GABRA6: variants seen among roughly 807,000 people sequenced by gnomAD.
GABRA6 encodes the protein gamma-aminobutyric acid type A receptor subunit alpha6.
A neutral mutation model predicts 47.3 loss-of-function variants in GABRA6; 45 were observed. That is an observed-to-expected ratio of 0.95 (90% CI 0.75 to 1.22). GABRA6 has a LOEUF of 1.22. Ranked by LOEUF, GABRA6 falls within the 50% of genes most tolerant of loss-of-function variation. GABRA6 has a pLI of 0.00. For synonymous variants in GABRA6, 219 were observed against 194.7 expected, an observed-to-expected ratio of 1.12 and a Z score of -1.04; for missense variants, 583 against 549.3, an observed-to-expected ratio of 1.06 and a Z score of -0.61.
At chr5:161,689,507 C>T (rs778733445) in intron 5 of GABRA6, 129 bp from the exon 6 acceptor site, 13 of 1,078,584 alleles carry the variant, frequency 1.2e-5, no homozygotes, top group Non-Finnish European at 1.7e-5. Flanking sequence ...CTTTAGTCAC[C>T]AAGATTAAAG....
intron 3 of GABRA6, chr5:161,687,224 A>T: frequency 1.7e-6 from 1 of 576,806 alleles, no homozygotes; most frequent in East Asian, 3.2e-5. Flanking sequence ...TTTTAAAATT[A>T]TGTCCTCTCT....
intron 8 of GABRA6, among the ~76,000 whole-genome samples, chr5:161,693,517 A>G (rs888430123): frequency 6.6e-6 from 1 of 152,150 alleles, no homozygotes; most frequent in Non-Finnish European, 1.5e-5. Context: ...ATTGATTCAA[A>G]AACTTTGTAT....
chr5:161,693,391 A>G (rs371999051), intron 8 of GABRA6, among the ~76,000 whole-genome samples: 8 of 151,348 alleles, frequency 5.3e-5, no homozygotes, highest in African/African-American at 2.0e-4. Flanking sequence ...TAAAAAAATA[A>G]AGAAAAAAGA....
chr5:161,691,298 T>TG, intron 7 of GABRA6, among the ~76,000 whole-genome samples: 1 of 133,352 alleles, frequency 7.5e-6, no homozygotes, highest in East Asian at 2.1e-4. Flanking sequence ...CTTTTTTTTT[T>TG]TTTTTTTTTT....
rs34826485 is a variant in GABRA6, at chr5:161,689,745, A to G, written c.639A>G (p.Gln213=). Residue 213 remains glutamine, a synonymous_variant, in exon 6 of 9, where the codon CAA becomes CAG. Coordinates refer to ENST00000274545, the MANE Select transcript of GABRA6 (RefSeq NM_000811.3). ...TTCTCCAGTATGATCTGATTGGACAAACAGTATCTAGTGAGACAATTAAAT... is the reference window on the plus strand; with the variant it reads ...TTCTCCAGTATGATCTGATTGGACAGACAGTATCTAGTGAGACAATTAAAT... The part of the protein sequence containing the change: ...SSLLQYDLIG[Q]TVSSETIKSN... 7.7e-3 allele frequency: 12,353 copies of G among 1,613,366 alleles called. 155 individuals carry two copies. The highest frequency in any genetic ancestry group is 0.041 in the South Asian group (3,693 of 91,054).
intron 8 of GABRA6, among the ~76,000 whole-genome samples, chr5:161,694,070 G>T (rs1754847455): frequency 6.6e-6 from 1 of 152,112 alleles, no homozygotes; most frequent in Non-Finnish European, 1.5e-5. Flanking sequence ...ATCCTAGTCT[G>T]CAGACTTGCT....
intron 8 of GABRA6, among the ~76,000 whole-genome samples, chr5:161,697,441 A>AG (rs377741692): frequency 6.6e-6 from 1 of 152,296 alleles, no homozygotes; most frequent in East Asian, 1.9e-4. Flanking sequence ...ATCCAGATGT[A>AG]GAGTAGCCAG....
intron 8 of GABRA6, among the ~76,000 whole-genome samples, chr5:161,695,638 A>ACTC (rs983537526): frequency 5.9e-5 from 9 of 151,846 alleles, no homozygotes; most frequent in Non-Finnish European, 1.3e-4. Flanking sequence ...ACAGTCAATC[A>ACTC]CTCACCCATT....
chr5:161,699,046 C>T lies in GABRA6; in HGVS notation c.1087-2452C>T, dbSNP rs564146973. ...GCACAGATTCACAAATGACTGCCCC[C>T]ACCACATCTCTAAAAAACGGGGAGA... On this transcript the variant is annotated intron_variant, in intron 8 of 8. Coordinates refer to ENST00000274545, the MANE Select transcript of GABRA6 (RefSeq NM_000811.3). Among the ~76,000 whole-genome samples, 22 of 152,236 alleles carry T rather than the reference C, an allele frequency of 1.4e-4. No individual in the cohort carries two copies. The South Asian group carries it at 4.6e-3, about 32-fold the overall frequency.
At position 161,689,088 on chromosome 5, in the gene GABRA6, A is replaced by G. The variant is rs563979586; in HGVS notation, c.365A>G (p.Lys122Arg). ...CCTGACACCTTTTTCAGAAATGGTA[A>G]AAAGTCCATTGCTCACAACATGACA... ...WTPDTFFRNG[K>R]KSIAHNMTTP... is the part of the protein sequence containing the mutation. Residue 122 changes from lysine to arginine, a missense_variant, in exon 4 of 9, where the codon AAA becomes AGA. Lys to Arg is a conservative substitution (Grantham distance 26, BLOSUM62 2). Transcript: ENST00000274545. 6.2e-7 allele frequency: 1 copy of G among 1,614,118 alleles called. No homozygotes were observed. Among genetic ancestry groups the G allele is most frequent in the East Asian group, 2.2e-5 (1 of 44,876 alleles).
At chr5:161,687,557 T>C (rs1308799694) in intron 3 of GABRA6, 1 of 455,448 alleles carries the variant, frequency 2.2e-6, no homozygotes, top group South Asian at 1.6e-5. Context: ...AAGAGGGTAT[T>C]TATAGTAAGT....
chr5:161,688,868 G>A, intron 3 of GABRA6, 81 bp from the exon 4 acceptor site: 1 of 1,196,242 alleles, frequency 8.4e-7, no homozygotes. Flanking sequence ...TAAGTTTTGA[G>A]ATTGGGTGTA....
In GABRA6 at chr5:161,685,817, A is replaced by G; in HGVS notation, c.-173A>G. 1 of 666,072 alleles carries G rather than the reference A, an allele frequency of 1.5e-6. No homozygotes were observed. 41.3% of individuals were successfully genotyped at this position (666,072 alleles called of 1,614,324 possible). A position where few individuals can be genotyped will look rare whatever the true frequency, so the allele number is the denominator to read the frequency against. ...AACAAGAAAGAAGGGAGCCAGGGGA[A>G]TCCTGCAAATTTTTAGGCAACCTCT... On this transcript the variant is annotated 5_prime_UTR_variant, in exon 1 of 9. Coordinates refer to ENST00000274545, the MANE Select transcript of GABRA6 (RefSeq NM_000811.3).
Position 161,685,883 on chromosome 5 carries a change from A to T in GABRA6, c.-107A>T. On this transcript the variant is annotated 5_prime_UTR_variant, in exon 1 of 9. Transcript: ENST00000274545. ...CTGACTTGAGGCAAACAAGGAACAG[A>T]GATATGAAGGGTTTGAAAGATTTCT... The T allele has an allele frequency of 1.1e-6, 1 of 924,744 alleles. No homozygotes were observed. The highest frequency in any genetic ancestry group is 1.8e-6 in the Non-Finnish European group (1 of 551,986). 57.3% of individuals were successfully genotyped at this position (924,744 alleles called of 1,614,324 possible).
In GABRA6 at chr5:161,685,732, C is replaced by G. The variant is rs540019322; in HGVS notation, c.-258C>G. 24 of 567,672 alleles carry G rather than the reference C, an allele frequency of 4.2e-5. No homozygotes were observed. The highest frequency in any genetic ancestry group is 1.7e-4 in the African/African-American group (9 of 53,134). The allele number at this position is 567,672 out of a possible 1,614,324, so 35.2% of individuals were successfully genotyped here. ...TTCCCAACTGAGTCAGTCAGAGGAG[C>G]CTGGGTGTCTGCAGGACATAATCTA... On this transcript the variant is annotated 5_prime_UTR_variant, in exon 1 of 9. Transcript: ENST00000274545.
Position 161,690,199 on chromosome 5 carries a change from A to T in GABRA6, c.674-2A>T. The T allele has an allele frequency of 3.7e-6, 6 of 1,613,454 alleles. No individual in the cohort carries two copies. Among genetic ancestry groups the T allele is most frequent in the Non-Finnish European group, 4.2e-6 (5 of 1,179,488 alleles). ...AATACTGATGTATGTGTCTTCCAAC[A>T]GGTGAATACGTTATAATGACAGTTT... On this transcript the variant is annotated splice_acceptor_variant, in intron 6 of 8. Coordinates refer to ENST00000274545, the MANE Select transcript of GABRA6 (RefSeq NM_000811.3). LOFTEE classifies it high-confidence loss of function.
intron 3 of GABRA6, chr5:161,687,508 G>T: frequency 2.2e-6 from 1 of 456,068 alleles, no homozygotes. Flanking sequence ...TAGGTGTTCT[G>T]GGGACTCTGT....
intron 8 of GABRA6, among the ~76,000 whole-genome samples, chr5:161,697,560 G>C (rs2113084144): frequency 6.6e-6 from 1 of 152,244 alleles, no homozygotes; most frequent in African/African-American, 2.4e-5. Context: ...TTCCTATGGG[G>C]AGCTATTTCC....
At chr5:161,690,008 T>C in intron 6 of GABRA6, 193 bp from the exon 7 acceptor site, 3 of 673,578 alleles carry the variant, frequency 4.5e-6, no homozygotes, top group Non-Finnish European at 7.6e-6. Flanking sequence ...AGAACCCTAC[T>C]GAAAACAATA....
Sources: gnomAD v4.1 joint callset for allele counts (sites outside exome capture counted in the v4.1 genomes callset) on GRCh38, gnomAD v4.1.1 for gene constraint, MANE v1.5 for transcripts, NCBI Gene and HGNC (gene_info 2026-07-23, HGNC 2026-07-21) for gene names.